Variants in TXNDC11 observed in about 807,000 individuals in gnomAD.
TXNDC11 encodes thioredoxin domain-containing protein 11.
Under a neutral mutation model 78.0 loss-of-function variants are expected in TXNDC11, and 68 were observed. The observed-to-expected ratio is 0.87, with a 90% confidence interval of 0.72 to 1.07. TXNDC11 has a LOEUF of 1.07. Among genes scored for constraint, TXNDC11 ranks in the 50% least tolerant of loss-of-function variants. TXNDC11 has a pLI of 0.00. For missense variants in TXNDC11, 1,389 were observed against 1,221.8 expected (o/e 1.14, Z -2.04); for synonymous variants, 571 against 495.2 (o/e 1.15, Z -2.03).
intron 1 of TXNDC11, chr16:11,742,251 T>C (rs779726651): frequency 4.6e-6 from 2 of 437,698 alleles, no homozygotes; most frequent in Admixed American, 4.5e-5. Context: ...AGCGGGACGA[T>C]AGGGCGCAGG....
chr16:11,738,407 C>G (rs556072372), intron 1 of TXNDC11, among the ~76,000 whole-genome samples: 3 of 152,334 alleles, frequency 2.0e-5, no homozygotes, highest in East Asian at 1.9e-4. Context: ...GGCACAAGCA[C>G]TAAGGCTGCG....
At chr16:11,693,961 GA>G (rs1304453118) in intron 7 of TXNDC11, among the ~76,000 whole-genome samples, 1 of 152,102 alleles carries the variant, frequency 6.6e-6, no homozygotes, top group Admixed American at 6.5e-5. Flanking sequence ...CCAAGTAGGA[GA>G]TCATTAATTA....
At chr16:11,683,051 T>C (rs1178023118) in intron 11 of TXNDC11, among the ~76,000 whole-genome samples, 1 of 152,200 alleles carries the variant, frequency 6.6e-6, no homozygotes, top group African/African-American at 2.4e-5. Context: ...GAGAAGATAC[T>C]GTCAAAGTCA....
At chr16:11,693,089 G>A (rs1486566563) in intron 7 of TXNDC11, among the ~76,000 whole-genome samples, 1 of 152,106 alleles carries the variant, frequency 6.6e-6, no homozygotes, top group African/African-American at 2.4e-5. Flanking sequence ...AACCTCACAG[G>A]CAGAAGCCAC....
intron 4 of TXNDC11, among the ~76,000 whole-genome samples, chr16:11,722,448 C>G (rs935159242): frequency 1.3e-5 from 2 of 152,230 alleles, no homozygotes; most frequent in African/African-American, 4.8e-5. Context: ...CCCTGTGGCA[C>G]TCATTCAGTC....
At chr16:11,698,509 A>T (rs564723358) in intron 6 of TXNDC11, among the ~76,000 whole-genome samples, 184 bp from the exon 7 acceptor site, 1 of 152,384 alleles carries the variant, frequency 6.6e-6, no homozygotes, top group South Asian at 2.1e-4. Flanking sequence ...CAAGTGGTTG[A>T]AAAAACAAAA....
chr16:11,699,477 G>A (rs1392122274), intron 6 of TXNDC11, among the ~76,000 whole-genome samples: 5 of 152,258 alleles, frequency 3.3e-5, no homozygotes, highest in African/African-American at 1.2e-4. Flanking sequence ...AGCAGTGATT[G>A]TCAAGGTGGG....
At chr16:11,692,264 G>C (rs1451492446) in intron 7 of TXNDC11, 182 bp from the exon 8 acceptor site, 4 of 553,580 alleles carry the variant, frequency 7.2e-6, no homozygotes, top group Non-Finnish European at 1.2e-5. Flanking sequence ...GCTCTGAGTA[G>C]TGTGATGAAA....
Position 11,691,845 on chromosome 16 carries a change from T to A in TXNDC11, c.1345A>T (p.Thr449Ser), listed in dbSNP as rs2050727452. The change falls in exon 8 of 12, where the codon ACC (threonine) becomes TCC (serine). Residue 449 changes from threonine (T) to serine (S), a missense_variant. Physicochemically the swap from Thr to Ser is moderately conservative, Grantham distance 58. Transcript: ENST00000283033. The part of the protein sequence containing the change: ...HNVCELCVNQ[T>S]SGGMKPSSVS... ...GAGCTCGGCTTCATGCCCCCGGAGG[T>A]CTGGTTGACACAGAGTTCACAGACG... The A allele has an allele frequency of 6.2e-7, 1 of 1,614,026 alleles. No individual in the cohort carries two copies. The highest frequency in any genetic ancestry group is 8.5e-7 in the Non-Finnish European group (1 of 1,179,998).
At chr16:11,698,055 G>A (rs1057019436) in intron 7 of TXNDC11, 70 bp downstream of exon 7, 2 of 1,430,434 alleles carry the variant, frequency 1.4e-6, no homozygotes, top group African/African-American at 2.8e-5. Flanking sequence ...ACTGAGTGTG[G>A]GATGAGAGGA....
chr16:11,739,701 G>C (rs1297507465), intron 1 of TXNDC11, among the ~76,000 whole-genome samples: 1 of 151,870 alleles, frequency 6.6e-6, no homozygotes, highest in African/African-American at 2.4e-5. Context: ...TCTAAATCAA[G>C]GTAAAAGAAA....
chr16:11,699,256 T>C (rs1385657815), intron 6 of TXNDC11, among the ~76,000 whole-genome samples: 2 of 152,198 alleles, frequency 1.3e-5, no homozygotes, highest in East Asian at 3.9e-4. Context: ...AGAAACCTGA[T>C]ATATTTTTCC....
Position 11,734,038 on chromosome 16 carries a change from T to C in TXNDC11, c.513A>G (p.Lys171=). ...AAAAGAAGTGTTTCTGTTTTCTGCATTTCCCCTGGTTCCACCAACAGTTAA... is the reference window on the plus strand; with the variant it reads ...AAAAGAAGTGTTTCTGTTTTCTGCACTTCCCCTGGTTCCACCAACAGTTAA... The part of the protein sequence containing the change: ...VAINCWWNQG[K]CRKQKHFFYF... Residue 171 remains lysine, a synonymous_variant, in exon 3 of 12, where the codon AAA becomes AAG. Coordinates refer to ENST00000283033, the MANE Select transcript of TXNDC11 (RefSeq NM_015914.7). 6.2e-7 allele frequency: 1 copy of C among 1,604,024 alleles called. No individual in the cohort carries two copies. The highest frequency in any genetic ancestry group is 1.3e-5 in the African/African-American group (1 of 74,484).
chr16:11,710,285 A>G (rs1353167951), intron 5 of TXNDC11, among the ~76,000 whole-genome samples: 2 of 151,910 alleles, frequency 1.3e-5, no homozygotes, highest in Non-Finnish European at 2.9e-5. Flanking sequence ...ACCCCATTTC[A>G]GGCTGTTCTT....
intron 5 of TXNDC11, among the ~76,000 whole-genome samples, chr16:11,703,458 G>A (rs967493554): frequency 4.0e-5 from 6 of 151,862 alleles, no homozygotes; most frequent in Non-Finnish European, 7.4e-5. Context: ...AATAAACCCT[G>A]TGATGTTAAA....
At chr16:11,731,627 C>A (rs1243944905) in intron 3 of TXNDC11, among the ~76,000 whole-genome samples, 2 of 151,760 alleles carry the variant, frequency 1.3e-5, no homozygotes, top group African/African-American at 4.8e-5. Flanking sequence ...GCAACAAGAG[C>A]CCAGTGAAGA....
chr16:11,740,719 A>G (rs1188179058), intron 1 of TXNDC11, among the ~76,000 whole-genome samples: 1 of 152,246 alleles, frequency 6.6e-6, no homozygotes, highest in Non-Finnish European at 1.5e-5. Flanking sequence ...TTCAAATTCC[A>G]GCTCAGCCCC....
At chr16:11,702,983 G>A (rs896057483) in intron 5 of TXNDC11, among the ~76,000 whole-genome samples, 1 of 152,164 alleles carries the variant, frequency 6.6e-6, no homozygotes, top group African/African-American at 2.4e-5. Context: ...CTGGGGAAAG[G>A]GGACTGGAAA....
chr16:11,732,218 T>C (rs1375852490), intron 3 of TXNDC11, among the ~76,000 whole-genome samples: 1 of 152,204 alleles, frequency 6.6e-6, no homozygotes, highest in African/African-American at 2.4e-5. Context: ...AAGCAAATAG[T>C]ATATATATGA....
Sources: gnomAD v4.1 joint callset for allele counts (sites outside exome capture counted in the v4.1 genomes callset) on GRCh38, gnomAD v4.1.1 for gene constraint, MANE v1.5 for transcripts, NCBI Gene and HGNC (gene_info 2026-07-23, HGNC 2026-07-21) for gene names.